SUPT3H: variants seen among roughly 807,000 people sequenced by gnomAD.
SUPT3H encodes the protein transcription initiation protein SPT3 homolog.
SUPT3H carries 44 observed loss-of-function variants against 44.3 expected under a neutral mutation model. The observed-to-expected ratio is 0.99, with a 90% CI of 0.78 to 1.28. SUPT3H has a LOEUF of 1.28. SUPT3H is among the 50% of genes most tolerant of loss of function. The pLI, the probability that SUPT3H is intolerant of heterozygous loss-of-function variation, is 0.00. For synonymous variants in SUPT3H, 124 were observed against 125.6 expected (o/e 0.99, Z 0.09); for missense variants, 380 against 387.1 (o/e 0.98, Z 0.15).
At chr6:45,292,865 TAGAC>T (rs1301397668) in intron 2 of SUPT3H, among the ~76,000 whole-genome samples, 7 of 151,208 alleles carry the variant, frequency 4.6e-5, no homozygotes, top group African/African-American at 1.7e-4. Flanking sequence ...AGAAATGAGA[TAGAC>T]AGCAACACAA....
intron 2 of SUPT3H, among the ~76,000 whole-genome samples, chr6:45,337,247 TATA>T (rs1176092140): frequency 1.3e-5 from 2 of 151,702 alleles, no homozygotes; most frequent in Non-Finnish European, 3.0e-5. Flanking sequence ...ATTTTGCAAT[TATA>T]ATGTGTGATA....
At chr6:45,096,896 A>C (rs183899556) in intron 3 of SUPT3H, among the ~76,000 whole-genome samples, 1 of 152,194 alleles carries the variant, frequency 6.6e-6, no homozygotes, top group Admixed American at 6.5e-5. Context: ...ATCTTGATAT[A>C]TATCTATCAG....
intron 10 of SUPT3H, among the ~76,000 whole-genome samples, chr6:44,920,130 G>A (rs190662862): frequency 5.3e-5 from 8 of 151,998 alleles, no homozygotes; most frequent in African/African-American, 1.9e-4. Flanking sequence ...CACCCACCTC[G>A]GCCTCCCAAA....
chr6:45,281,259 C>G (rs1350575973), intron 2 of SUPT3H, among the ~76,000 whole-genome samples: 2 of 152,174 alleles, frequency 1.3e-5, no homozygotes, highest in African/African-American at 4.8e-5. Context: ...ACAGTGGGTG[C>G]AGCGCACCAA....
chr6:45,146,669 AT>A (rs1554263105), intron 2 of SUPT3H, among the ~76,000 whole-genome samples: 2 of 152,176 alleles, frequency 1.3e-5, no homozygotes, highest in Non-Finnish European at 2.9e-5. Flanking sequence ...TATAAATACA[AT>A]CAATGCCTAA....
At chr6:45,093,749 T>C (rs1192981434) in intron 3 of SUPT3H, among the ~76,000 whole-genome samples, 2 of 152,112 alleles carry the variant, frequency 1.3e-5, no homozygotes, top group Non-Finnish European at 2.9e-5. Context: ...TTCAAGATTA[T>C]AAATAATCTC....
intron 3 of SUPT3H, among the ~76,000 whole-genome samples, chr6:45,105,030 C>A (rs1799078957): frequency 6.6e-6 from 1 of 151,778 alleles, no homozygotes; most frequent in African/African-American, 2.4e-5. Flanking sequence ...TACTATAAAA[C>A]CTGTAATAAA....
intron 10 of SUPT3H, among the ~76,000 whole-genome samples, chr6:44,912,540 T>C (rs1230289409): frequency 2.6e-5 from 4 of 152,146 alleles, no homozygotes; most frequent in Non-Finnish European, 5.9e-5. Context: ...ACCTGAACAA[T>C]GTTTGTGATA....
intron 2 of SUPT3H, among the ~76,000 whole-genome samples, chr6:45,253,940 T>C (rs1772882301): frequency 6.8e-6 from 1 of 147,376 alleles, no homozygotes; most frequent in Non-Finnish European, 1.5e-5. Flanking sequence ...TACATACATA[T>C]ATACACACGT....
chr6:45,182,157 C>T (rs1371927679), intron 2 of SUPT3H, among the ~76,000 whole-genome samples: 1 of 152,160 alleles, frequency 6.6e-6, no homozygotes, highest in Non-Finnish European at 1.5e-5. Context: ...TAACAAAATT[C>T]CAACGTTTAG....
intron 10 of SUPT3H, among the ~76,000 whole-genome samples, chr6:44,909,538 G>GT (rs746911884): frequency 1.4e-4 from 21 of 152,298 alleles, no homozygotes; most frequent in South Asian, 4.1e-4. Flanking sequence ...TCTTAACCAT[G>GT]TAGCATACTA....
chr6:44,994,858 C>G (rs1400155889), intron 6 of SUPT3H, among the ~76,000 whole-genome samples: 1 of 151,836 alleles, frequency 6.6e-6, no homozygotes, highest in Non-Finnish European at 1.5e-5. Flanking sequence ...TTGCTTGAAG[C>G]CAAATCTACC....
chr6:44,974,902 A>G (rs1465392441), intron 6 of SUPT3H, among the ~76,000 whole-genome samples: 1 of 152,170 alleles, frequency 6.6e-6, no homozygotes, highest in Non-Finnish European at 1.5e-5. Flanking sequence ...AACTGGCTCA[A>G]TGATGTATTA....
chr6:45,277,386 G>C (rs773029041), intron 2 of SUPT3H, among the ~76,000 whole-genome samples: 1 of 152,012 alleles, frequency 6.6e-6, no homozygotes. Context: ...TACAATAAAC[G>C]TACAGGTTTA....
intron 10 of SUPT3H, among the ~76,000 whole-genome samples, chr6:44,889,210 C>T (rs1283052962): frequency 1.3e-5 from 2 of 152,094 alleles, no homozygotes; most frequent in Non-Finnish European, 2.9e-5. Context: ...TTTATAGATT[C>T]AATGCCATCC....
At chr6:44,872,556 A>T (rs1238128033) in intron 10 of SUPT3H, among the ~76,000 whole-genome samples, 2 of 152,166 alleles carry the variant, frequency 1.3e-5, no homozygotes, top group Admixed American at 1.3e-4. Context: ...GACAAAATGT[A>T]AAGACCATCG....
intron 3 of SUPT3H, chr6:45,097,547 A>T (rs886972458): frequency 6.6e-6 from 1 of 152,278 alleles, no homozygotes; most frequent in African/African-American, 2.4e-5. Context: ...GATTTGTGAG[A>T]AATTCAACTG....
intron 6 of SUPT3H, among the ~76,000 whole-genome samples, chr6:44,972,959 T>C (rs1777803509): frequency 6.6e-6 from 1 of 152,194 alleles, no homozygotes; most frequent in Admixed American, 6.5e-5. Context: ...TGAAGACCTC[T>C]GACATGCCTT....
intron 2 of SUPT3H, among the ~76,000 whole-genome samples, chr6:45,223,638 CT>C (rs1766429987): frequency 6.6e-6 from 1 of 151,840 alleles, no homozygotes; most frequent in Non-Finnish European, 1.5e-5. Flanking sequence ...ATCTTACCCT[CT>C]TATAACAGAT....
Sources: gnomAD v4.1 joint callset for allele counts (sites outside exome capture counted in the v4.1 genomes callset) on GRCh38, gnomAD v4.1.1 for gene constraint, MANE v1.5 for transcripts, NCBI Gene and HGNC (gene_info 2026-07-23, HGNC 2026-07-21) for gene names.